RBFOX3: variants seen among roughly 807,000 people sequenced by gnomAD.
RBFOX3 encodes RNA binding fox-1 homolog 3.
Under a neutral mutation model 48.7 loss-of-function variants are expected in RBFOX3, and 17 were observed. That is an observed-to-expected ratio of 0.35 (90% CI 0.24 to 0.52). RBFOX3 has a LOEUF of 0.52. Ranked by LOEUF, RBFOX3 falls within the 20% of genes least tolerant of loss-of-function variation. The pLI is 0.94. For synonymous variants in RBFOX3, 212 were observed against 209.5 expected, an observed-to-expected ratio of 1.01 and a Z score of -0.10; for missense variants, 382 against 497.5, an observed-to-expected ratio of 0.77 and a Z score of 2.21.
intron 1 of RBFOX3, among the ~76,000 whole-genome samples, chr17:79,602,968 C>T (rs35670324): frequency 0.74 from 109,275 of 148,566 alleles, 44,342 homozygotes; most frequent in Non-Finnish European, 0.93. Context: ...GCTGCAGTGC[C>T]CCTCTCTCCT....
At chr17:79,332,402 G>C (rs1568057729) in intron 2 of RBFOX3, among the ~76,000 whole-genome samples, 1 of 152,124 alleles carries the variant, frequency 6.6e-6, no homozygotes, top group Non-Finnish European at 1.5e-5. Flanking sequence ...AGAGGGAAAG[G>C]GATAGATAGG....
At position 79,481,391 on chromosome 17, in the gene RBFOX3, T is replaced by C. The variant is rs2078759762; in HGVS notation, c.-175+1063A>G. ...GGTTTAAGAAAGAATTCACCTGGTG[T>C]CTGTCCCTGGTTCCTGGGAGGTGAT... is the stretch of plus-strand genomic sequence containing the variant. On this transcript the variant is annotated intron_variant, in intron 2 of 14. Coordinates refer to ENST00000693108, the MANE Select transcript of RBFOX3 (RefSeq NM_001350451.2). The surrounding 1 kb of genome is among the most constrained non-coding windows in gnomAD (Gnocchi z 5.4). Among the ~76,000 whole-genome samples, 2 of 152,214 alleles carry C rather than the reference T, an allele frequency of 1.3e-5. No homozygotes were observed. The highest frequency in any genetic ancestry group is 3.9e-4 in the East Asian group (2 of 5,162).
chr17:79,339,123 T>C (rs1297583980), intron 2 of RBFOX3, among the ~76,000 whole-genome samples: 3 of 151,942 alleles, frequency 2.0e-5, no homozygotes, highest in Admixed American at 1.3e-4. Flanking sequence ...GATGCAATCA[T>C]ACCTCACTGC....
At chr17:79,468,032 T>A (rs2076546231) in intron 2 of RBFOX3, among the ~76,000 whole-genome samples, 1 of 152,088 alleles carries the variant, frequency 6.6e-6, no homozygotes, top group Admixed American at 6.5e-5. Flanking sequence ...CTTCCCACTT[T>A]GCAGCTTTAC....
rs2061412208 is a variant in RBFOX3, at chr17:79,391,882, T to A, written c.-174-84058A>T. ...CTGTTAAAAAAAAAAGGCTCCAGGC[T>A]GGACAAGCCCCAGGTCCCCTCCTTC... is the stretch of plus-strand genomic sequence containing the variant. On this transcript the variant is annotated intron_variant, in intron 2 of 14. Coordinates refer to ENST00000693108, the MANE Select transcript of RBFOX3 (RefSeq NM_001350451.2). The surrounding 1 kb of genome is among the most constrained non-coding windows in gnomAD (Gnocchi z 5.0). Among the ~76,000 whole-genome samples the A allele has an allele frequency of 6.6e-6, 1 of 151,168 alleles. No homozygotes were observed. The highest frequency in any genetic ancestry group is 2.4e-5 in the African/African-American group (1 of 41,202).
intron 3 of RBFOX3, among the ~76,000 whole-genome samples, chr17:79,303,348 C>T (rs184612066): frequency 3.3e-5 from 5 of 152,208 alleles, no homozygotes; most frequent in South Asian, 2.1e-4. Context: ...ACAAATGCTT[C>T]GCCTGTGGAC....
the RBFOX3 span, among the ~76,000 whole-genome samples, chr17:79,653,458 TAC>T: frequency 6.6e-6 from 1 of 152,208 alleles, no homozygotes; most frequent in Admixed American, 6.5e-5. Context: ...AGAAAAATGT[TAC>T]AGTTATCATT....
intron 1 of RBFOX3, chr17:79,515,965 G>T (rs2085195633): frequency 6.6e-6 from 1 of 152,362 alleles, no homozygotes; most frequent in African/African-American, 2.4e-5. Context: ...CTCCAGGACC[G>T]AAGTCAAGGT....
intron 4 of RBFOX3, among the ~76,000 whole-genome samples, chr17:79,138,615 T>TACAC: frequency 1.2e-5 from 1 of 84,132 alleles, no homozygotes; most frequent in East Asian, 3.6e-4. Flanking sequence ...CACACACACA[T>TACAC]AGCACGTGTT....
At chr17:79,196,394 A>G (rs2055598115) in intron 4 of RBFOX3, among the ~76,000 whole-genome samples, 1 of 152,146 alleles carries the variant, frequency 6.6e-6, no homozygotes, top group African/African-American at 2.4e-5. Context: ...GCAACTAAAC[A>G]TCTCCAGTGT....
chr17:79,315,271 A>G (rs977954611), intron 2 of RBFOX3, among the ~76,000 whole-genome samples: 1 of 152,202 alleles, frequency 6.6e-6, no homozygotes, highest in Admixed American at 6.5e-5. Flanking sequence ...TCCAGACTCT[A>G]GACCATCCAT....
chr17:79,456,751 GCCTCTGCCCA>G (rs1431614409), intron 2 of RBFOX3, among the ~76,000 whole-genome samples: 1 of 152,074 alleles, frequency 6.6e-6, no homozygotes, highest in Non-Finnish European at 1.5e-5. Flanking sequence ...TTCAGAGCCT[GCCTCTGCCCA>G]CCCTGGCCCG....
At chr17:79,615,563 A>G (rs1392272592), upstream of RBFOX3, among the ~76,000 whole-genome samples, 1 of 152,096 alleles carries the variant, frequency 6.6e-6, no homozygotes, top group Non-Finnish European at 1.5e-5. Flanking sequence ...CTGCCATTGT[A>G]CCACCCTTTC....
At chr17:79,445,057 T>C (rs1238040910) in intron 2 of RBFOX3, among the ~76,000 whole-genome samples, 1 of 152,094 alleles carries the variant, frequency 6.6e-6, no homozygotes, top group Non-Finnish European at 1.5e-5. Flanking sequence ...TCAAGGTTCA[T>C]GTGTGTTGGA....
chr17:79,336,147 G>A (rs1438689388), intron 2 of RBFOX3, among the ~76,000 whole-genome samples: 4 of 152,146 alleles, frequency 2.6e-5, no homozygotes, highest in Non-Finnish European at 5.9e-5. Context: ...AGCACTTTGA[G>A]AGGCCAAGGT....
In RBFOX3 at chr17:79,521,993, G is replaced by A. The variant is rs1024362402; in HGVS notation, c.-319-39395C>T. ...GTGAGCGGCAAAGGAGGGCTCTGCT[G>A]CTGCTCCCGCTGCTGGTGACAGGCT... On this transcript the variant is annotated intron_variant, in intron 1 of 14. Coordinates refer to ENST00000693108, the MANE Select transcript of RBFOX3 (RefSeq NM_001350451.2). Among the ~76,000 whole-genome samples the A allele has an allele frequency of 2.6e-5, 4 of 152,328 alleles. No homozygotes were observed. The South Asian group carries it at 6.2e-4, about 24-fold the overall frequency.
chr17:79,627,994 G>A, the RBFOX3 span, among the ~76,000 whole-genome samples: 13 of 149,270 alleles, frequency 8.7e-5, no homozygotes, highest in East Asian at 6.0e-4. Context: ...CTCTGCTGGC[G>A]GCAGAACAAC....
At chr17:79,560,765 G>A (rs1013040099) in intron 1 of RBFOX3, among the ~76,000 whole-genome samples, 2 of 152,180 alleles carry the variant, frequency 1.3e-5, no homozygotes, top group Non-Finnish European at 2.9e-5. Flanking sequence ...CACGGCCAGC[G>A]CGAGAGCTGC....
the RBFOX3 span, among the ~76,000 whole-genome samples, chr17:79,645,582 C>A: frequency 6.6e-6 from 1 of 152,216 alleles, no homozygotes; most frequent in Non-Finnish European, 1.5e-5. Flanking sequence ...CCTACACTTG[C>A]CACTGGGTCT....
Sources: gnomAD v4.1 joint callset for allele counts (sites outside exome capture counted in the v4.1 genomes callset) on GRCh38, gnomAD v4.1.1 for gene constraint, Gnocchi (gnomAD v3.1) non-coding constraint, MANE v1.5 for transcripts, NCBI Gene and HGNC (gene_info 2026-07-23, HGNC 2026-07-21) for gene names.